LRIG2: variants seen among roughly 807,000 people sequenced by gnomAD.
LRIG2 encodes the protein leucine rich repeats and immunoglobulin like domains 2, also known as leucine-rich repeats and immunoglobulin-like domains protein 2.
In LRIG2, 93 loss-of-function variants were observed where a neutral mutation model predicts 107.8. The observed-to-expected ratio is 0.86, with a 90% CI of 0.73 to 1.03. The LOEUF (loss-of-function observed/expected upper bound fraction) is 1.03. Among genes scored for constraint, LRIG2 ranks in the 50% least tolerant of loss-of-function variants. The probability of loss-of-function intolerance (pLI) is 0.00; values close to 1 mark genes in which losing one functional copy is unlikely to be tolerated. For synonymous variants in LRIG2, 471 were observed against 470.6 expected (o/e 1.00, Z -0.01); for missense variants, 1,226 against 1,296.0 (o/e 0.95, Z 0.83).
rs1655528208 is a variant in LRIG2, at chr1:113,127,531, C to G, written c.*3430C>G. 1 of 151,334 alleles carries G rather than the reference C, an allele frequency of 6.6e-6. No individual in the cohort carries two copies. The allele number at this position is 151,334 out of a possible 1,614,324, so 9.4% of individuals were successfully genotyped here. A position where few individuals can be genotyped will look rare whatever the true frequency, so the allele number is the denominator to read the frequency against. ...ACAGGCATGAGCCACTTGCCTGGCC[C>G]CAAAATTCTTATACTGTAAAGCCTT... On this transcript the variant is annotated 3_prime_UTR_variant, in exon 18 of 18. Coordinates refer to ENST00000361127, the MANE Select transcript of LRIG2 (RefSeq NM_014813.3).
At chr1:113,112,215 G>C (rs533309258) in intron 13 of LRIG2, among the ~76,000 whole-genome samples, 1 of 152,232 alleles carries the variant, frequency 6.6e-6, no homozygotes, top group African/African-American at 2.4e-5. Context: ...ATAGCTTGAG[G>C]CCTGGAATTT....
In LRIG2 at chr1:113,107,769, TG is replaced by T; in HGVS notation, c.1477+13del. On this transcript the variant is annotated intron_variant, in intron 12 of 17. Coordinates refer to ENST00000361127, the MANE Select transcript of LRIG2 (RefSeq NM_014813.3). ...AGATTTTGTCTGTGGTTTGTATTTTTGTTTTAAAATTTTATATATTACACAC... is the reference window on the plus strand; with the variant it reads ...AGATTTTGTCTGTGGTTTGTATTTTTTTTTAAAATTTTATATATTACACAC... 2 of 1,608,374 alleles carry T rather than the reference TG, an allele frequency of 1.2e-6. No homozygotes were observed. Among genetic ancestry groups the T allele is most frequent in the Non-Finnish European group, 1.7e-6 (2 of 1,177,784 alleles).
At chr1:113,090,633 C>T (rs990208217) in intron 1 of LRIG2, among the ~76,000 whole-genome samples, 5 of 151,048 alleles carry the variant, frequency 3.3e-5, no homozygotes, top group Non-Finnish European at 5.9e-5. Flanking sequence ...GTCAGGAGAT[C>T]GAGACCATCC....
intron 1 of LRIG2, among the ~76,000 whole-genome samples, chr1:113,087,698 A>G (rs1348250831): frequency 1.3e-5 from 2 of 152,182 alleles, no homozygotes; most frequent in Non-Finnish European, 2.9e-5. Flanking sequence ...TACTTTTAAA[A>G]AAAGAAATAG....
chr1:113,095,225 C>CCT lies in LRIG2; in HGVS notation c.803+472_803+473dup, dbSNP rs566660532. ...TGACCTCATGATCCACCCACCTTGG[C>CCT]CTCCCAAAGTGCTGTGATTACAGGC... On this transcript the variant is annotated intron_variant, in intron 6 of 17. Coordinates refer to ENST00000361127, the MANE Select transcript of LRIG2 (RefSeq NM_014813.3). 2.2e-4 allele frequency among the ~76,000 whole-genome samples: 34 copies of CCT among 152,146 alleles called. No individual in the cohort carries two copies. In the South Asian group the frequency reaches 7.1e-3, roughly 32 times the overall value.
intron 1 of LRIG2, among the ~76,000 whole-genome samples, chr1:113,076,004 CTT>C (rs58037652): frequency 1.4e-4 from 18 of 132,332 alleles, no homozygotes; most frequent in Admixed American, 1.5e-4. Flanking sequence ...GCCTGGCCTA[CTT>C]TTTTTTTTTT....
At chr1:113,079,731 A>T (rs1373352006) in intron 1 of LRIG2, among the ~76,000 whole-genome samples, 1 of 150,160 alleles carries the variant, frequency 6.7e-6, no homozygotes, top group Non-Finnish European at 1.5e-5. Context: ...GAGGGAAATC[A>T]GGAGAAATCT....
intron 1 of LRIG2, among the ~76,000 whole-genome samples, chr1:113,079,182 CAAAA>C (rs549095372): frequency 0.012 from 1,752 of 151,298 alleles, 39 homozygotes; most frequent in African/African-American, 0.04. Context: ...CACTGTCTGT[CAAAA>C]AAAGTGCAAC....
In LRIG2 at chr1:113,119,407, A is replaced by T; in HGVS notation, c.2855A>T (p.Gln952Leu). 6.2e-7 allele frequency: 1 copy of T among 1,614,118 alleles called. No individual in the cohort carries two copies. Among genetic ancestry groups the T allele is most frequent in the Non-Finnish European group, 8.5e-7 (1 of 1,180,030 alleles). The change falls in exon 17 of 18, where the codon CAG (glutamine) becomes CTG (leucine). Residue 952 changes from glutamine to leucine, a missense_variant. By Grantham distance (113) the Gln-to-Leu change is moderately radical (BLOSUM62 -2). This residue lies in a region of LRIG2 where 642 missense variants were observed against 712.2 expected (regional missense o/e 0.90). Coordinates refer to ENST00000361127, the MANE Select transcript of LRIG2 (RefSeq NM_014813.3). The stretch of plus-strand genomic sequence containing the variant: ...GAGACATATTTAGTACATCCTCCCC[A>T]GGATACTACTGCCCTAGAGAGCCTG... Reference protein sequence around the residue: ...PKETYLVHPPQDTTALESLIP... With the variant: ...PKETYLVHPPLDTTALESLIP...
intron 16 of LRIG2, among the ~76,000 whole-genome samples, chr1:113,118,814 G>A (rs1043823024): frequency 4.6e-5 from 7 of 152,212 alleles, no homozygotes; most frequent in East Asian, 1.9e-4. Flanking sequence ...ACCGGTGCAC[G>A]CCACCACGCC....
At chr1:113,107,830 G>T in intron 12 of LRIG2, 73 bp downstream of exon 12, 4 of 1,354,648 alleles carry the variant, frequency 3.0e-6, no homozygotes, top group South Asian at 1.4e-5. Flanking sequence ...AATTAAACCA[G>T]AATGGTTTTC....
In LRIG2 at chr1:113,080,841, T is replaced by TTG. The variant is rs1408066830; in HGVS notation, c.239+7197_239+7198insGT. On this transcript the variant is annotated intron_variant, in intron 1 of 17. Coordinates refer to ENST00000361127, the MANE Select transcript of LRIG2 (RefSeq NM_014813.3). ...TAAATATGGGAACACTAAAAGTTTT[T>TTG]TTTTTTTTTTTTTTTTTTTGAGACG... Among the ~76,000 whole-genome samples the TTG allele has an allele frequency of 4.8e-3, 689 of 144,816 alleles. 8 individuals are homozygous for TTG. The highest frequency in any genetic ancestry group is 0.017 in the African/African-American group (656 of 37,974).
At chr1:113,096,662 A>C (rs749753711) in intron 8 of LRIG2, among the ~76,000 whole-genome samples, 10 of 152,216 alleles carry the variant, frequency 6.6e-5, no homozygotes, top group Non-Finnish European at 1.2e-4. Flanking sequence ...TCAGGAGAGC[A>C]GTCATTTTCT....
In LRIG2 at chr1:113,114,700, C is replaced by A; in HGVS notation, c.2354C>A (p.Ser785Ter). Residue 785 changes from serine (S) to a stop codon, truncating the protein, a stop_gained, in exon 15 of 18, where the codon TCA (serine) becomes TAA (stop). Transcript: ENST00000361127. LOFTEE classifies it high-confidence loss of function. ...ERGHIYLNVI[S>*]SPNCDSSQSS... ...GGCCACATTTACCTAAATGTCATTTCATCCCCCAATTGTGACTCTTCCCAG... is the reference window on the plus strand; with the variant it reads ...GGCCACATTTACCTAAATGTCATTTAATCCCCCAATTGTGACTCTTCCCAG... The A allele has an allele frequency of 1.9e-6, 3 of 1,614,148 alleles. No homozygotes were observed. Among genetic ancestry groups the A allele is most frequent in the Non-Finnish European group, 2.5e-6 (3 of 1,180,028 alleles).
In LRIG2 at chr1:113,110,430, G is replaced by A. The variant is rs778505389; in HGVS notation, c.1666G>A (p.Gly556Arg). 2 of 1,614,028 alleles carry A rather than the reference G, an allele frequency of 1.2e-6. No homozygotes were observed. The highest frequency in any genetic ancestry group is 1.7e-5 in the Admixed American group (1 of 59,992). ...TTTTGTTCGTTATTGGCAGCAAGCT[G>A]GAGAAGCTCTGGAATATACTAGTAT... Reference protein sequence around the residue: ...ENFVRYWQQAGEALEYTSILH... With the variant: ...ENFVRYWQQAREALEYTSILH... Residue 556 changes from glycine to arginine, a missense_variant, in exon 13 of 18, where the codon GGA becomes AGA. Physicochemically the swap from Gly to Arg is moderately radical, Grantham distance 125 (BLOSUM62 -2). Coordinates refer to ENST00000361127, the MANE Select transcript of LRIG2 (RefSeq NM_014813.3).
intron 9 of LRIG2, 100 bp downstream of exon 9, chr1:113,098,885 T>G: frequency 1.4e-6 from 1 of 735,228 alleles, no homozygotes; most frequent in South Asian, 1.6e-5. Flanking sequence ...CTACAAAGTC[T>G]GAGCTTTCTG....
intron 1 of LRIG2, among the ~76,000 whole-genome samples, chr1:113,080,982 T>C (rs527992465): frequency 6.6e-6 from 1 of 152,004 alleles, no homozygotes; most frequent in East Asian, 1.9e-4. Context: ...TAGCTGGGAT[T>C]ACAGGCATGC....
At chr1:113,118,465 C>A (rs1285785515) in intron 16 of LRIG2, among the ~76,000 whole-genome samples, 2 of 152,190 alleles carry the variant, frequency 1.3e-5, no homozygotes, top group Non-Finnish European at 2.9e-5. Context: ...GAAGTGAAGT[C>A]ATCATAACTC....
At chr1:113,090,837 CAAAA>C (rs1165744092) in intron 1 of LRIG2, among the ~76,000 whole-genome samples, 5 of 112,600 alleles carry the variant, frequency 4.4e-5, no homozygotes, top group Non-Finnish European at 9.3e-5. Flanking sequence ...GACTCCGTCT[CAAAA>C]AGAAAACAAA....
Sources: allele counts gnomAD v4.1 joint callset (sites outside exome capture counted in the v4.1 genomes callset), GRCh38; gene constraint gnomAD v4.1.1; regional missense constraint gnomAD v4.1.1; transcripts MANE v1.5; gene names NCBI Gene and HGNC (gene_info 2026-07-23, HGNC 2026-07-21).